The following LRRC4C variants were observed in gnomAD, a reference collection of about 807,000 sequenced individuals.
The protein encoded by LRRC4C is leucine-rich repeat-containing protein 4C.
LRRC4C carries 5 observed loss-of-function variants against 33.6 expected under a neutral mutation model. The observed-to-expected ratio is 0.15, with a 90% CI of 0.08 to 0.31. LRRC4C has a LOEUF of 0.31. Ranked by LOEUF, LRRC4C falls within the 10% of genes least tolerant of loss-of-function variation. The pLI, the probability that LRRC4C is intolerant of heterozygous loss-of-function variation, is 1.00. For missense variants in LRRC4C, 560 were observed against 796.7 expected, an observed-to-expected ratio of 0.70 and a Z score of 3.58; for synonymous variants, 329 against 302.0, an observed-to-expected ratio of 1.09 and a Z score of -0.93.
chr11:40,150,421 G>A (rs572986480), intron 5 of LRRC4C, among the ~76,000 whole-genome samples: 2 of 152,176 alleles, frequency 1.3e-5, no homozygotes, highest in Non-Finnish European at 2.9e-5. Flanking sequence ...AACTCATAGA[G>A]AATTTTACAT....
intron 1 of LRRC4C, among the ~76,000 whole-genome samples, chr11:41,054,531 A>G (rs924679261): frequency 6.6e-6 from 1 of 152,232 alleles, no homozygotes; most frequent in Non-Finnish European, 1.5e-5. Flanking sequence ...TACCCATCTG[A>G]CAAGATGCAA....
At chr11:40,172,419 A>G (rs547091133) in intron 5 of LRRC4C, among the ~76,000 whole-genome samples, 3 of 152,296 alleles carry the variant, frequency 2.0e-5, no homozygotes, top group South Asian at 2.1e-4. Flanking sequence ...TGAAAAGTCA[A>G]TCAGATCACT....
chr11:41,044,670 C>A (rs1229390679), intron 1 of LRRC4C, among the ~76,000 whole-genome samples: 1 of 152,046 alleles, frequency 6.6e-6, no homozygotes, highest in Non-Finnish European at 1.5e-5. Context: ...ACAGTGAAGA[C>A]AATGTTTACC....
chr11:40,203,092 C>T (rs547091823), intron 5 of LRRC4C, among the ~76,000 whole-genome samples: 2 of 152,090 alleles, frequency 1.3e-5, no homozygotes, highest in South Asian at 2.1e-4. Context: ...TTGAAAATGC[C>T]CCTCTAAATT....
intron 1 of LRRC4C, among the ~76,000 whole-genome samples, chr11:41,373,828 T>A (rs1952841358): frequency 6.6e-6 from 1 of 152,178 alleles, no homozygotes. Context: ...GAATTTTCAA[T>A]AAAAGTATAA....
At chr11:40,552,900 T>C (rs1418845008) in intron 3 of LRRC4C, among the ~76,000 whole-genome samples, 2 of 152,194 alleles carry the variant, frequency 1.3e-5, no homozygotes, top group African/African-American at 4.8e-5. Flanking sequence ...ATAATCATTT[T>C]AGTCTTGAAA....
At chr11:41,353,388 C>T (rs560242798) in intron 1 of LRRC4C, among the ~76,000 whole-genome samples, 3 of 151,976 alleles carry the variant, frequency 2.0e-5, no homozygotes, top group Non-Finnish European at 4.4e-5. Flanking sequence ...AAATAACATA[C>T]CAATAAGAAA....
chr11:40,967,381 C>T (rs1229265099), intron 1 of LRRC4C, among the ~76,000 whole-genome samples: 1 of 152,004 alleles, frequency 6.6e-6, no homozygotes, highest in Non-Finnish European at 1.5e-5. Context: ...TTGTATCTTT[C>T]ATTTTTGTTT....
At chr11:40,767,174 G>T (rs1324744215) in intron 2 of LRRC4C, among the ~76,000 whole-genome samples, 1 of 151,884 alleles carries the variant, frequency 6.6e-6, no homozygotes, top group Non-Finnish European at 1.5e-5. Flanking sequence ...AATAGCAGGA[G>T]TAGCTATATT....
At chr11:40,994,221 C>T (rs111514012) in intron 1 of LRRC4C, among the ~76,000 whole-genome samples, 3,006 of 152,090 alleles carry the variant, frequency 0.02, 90 homozygotes, top group African/African-American at 0.069. Flanking sequence ...TTCATGAGTG[C>T]GCCATGGAGC....
intron 1 of LRRC4C, among the ~76,000 whole-genome samples, chr11:41,281,100 TCTCTCA>T (rs1270700477): frequency 3.0e-4 from 34 of 113,576 alleles, no homozygotes; most frequent in Non-Finnish European, 4.3e-4. Context: ...TCTCTCTCTC[TCTCTCA>T]CACACACACA....
At chr11:40,604,714 T>C (rs1591252087) in intron 3 of LRRC4C, among the ~76,000 whole-genome samples, 1 of 151,984 alleles carries the variant, frequency 6.6e-6, no homozygotes, top group Admixed American at 6.6e-5. Context: ...AATATTCTGC[T>C]TGACTTCGAA....
intron 5 of LRRC4C, among the ~76,000 whole-genome samples, chr11:40,233,653 T>C (rs1436660640): frequency 1.3e-5 from 2 of 152,220 alleles, no homozygotes; most frequent in African/African-American, 4.8e-5. Context: ...TATCATAGTC[T>C]AGTACAAGAA....
intron 1 of LRRC4C, among the ~76,000 whole-genome samples, chr11:41,051,190 G>C (rs1338449202): frequency 2.6e-5 from 4 of 152,092 alleles, no homozygotes; most frequent in African/African-American, 9.7e-5. Flanking sequence ...CTGCTGTTCT[G>C]TCACATAAAG....
chr11:41,215,192 T>A (rs868683788), intron 1 of LRRC4C, among the ~76,000 whole-genome samples: 38 of 151,196 alleles, frequency 2.5e-4, no homozygotes, highest in South Asian at 6.3e-4. Context: ...TTGAAAAAAA[T>A]TTTTTAAAAA....
chr11:40,151,166 G>C (rs561617380), intron 5 of LRRC4C, among the ~76,000 whole-genome samples: 20 of 152,260 alleles, frequency 1.3e-4, no homozygotes, highest in South Asian at 2.1e-4. Flanking sequence ...TTCCCCAAGA[G>C]TTTGCCCTGT....
chr11:40,567,384 ACCAGG>A (rs2135544022), intron 3 of LRRC4C, among the ~76,000 whole-genome samples: 1 of 152,338 alleles, frequency 6.6e-6, no homozygotes, highest in Non-Finnish European at 1.5e-5. Context: ...TCTATTATAT[ACCAGG>A]CATCAAGCTA....
At chr11:40,730,021 C>T (rs891090803) in intron 2 of LRRC4C, among the ~76,000 whole-genome samples, 11 of 151,892 alleles carry the variant, frequency 7.2e-5, no homozygotes, top group South Asian at 2.1e-4. Flanking sequence ...AACCAAACAC[C>T]GCATATTCTC....
At chr11:41,353,213 C>CA (rs901014603) in intron 1 of LRRC4C, among the ~76,000 whole-genome samples, 1 of 151,718 alleles carries the variant, frequency 6.6e-6, no homozygotes, top group Non-Finnish European at 1.5e-5. Context: ...CCCAGAAAAA[C>CA]AAAAAATCCT....
Sources: gnomAD v4.1 joint callset for allele counts (sites outside exome capture counted in the v4.1 genomes callset) on GRCh38, gnomAD v4.1.1 for gene constraint, MANE v1.5 for transcripts, NCBI Gene and HGNC (gene_info 2026-07-23, HGNC 2026-07-21) for gene names.